FHOD3: variants seen among roughly 807,000 people sequenced by gnomAD.
FHOD3 encodes FH1/FH2 domain-containing protein 3.
A neutral mutation model predicts 173.0 loss-of-function variants in FHOD3; 90 were observed. That is an observed-to-expected ratio of 0.52 (90% confidence interval 0.44 to 0.62). FHOD3 has a LOEUF of 0.62. Ranked by LOEUF, FHOD3 falls within the 20% of genes least tolerant of loss-of-function variation. FHOD3 has a pLI of 0.00. For synonymous variants in FHOD3, 828 were observed against 823.0 expected (o/e 1.01, Z -0.10); for missense variants, 1,945 against 2,034.7 (o/e 0.96, Z 0.85).
chr18:36,484,928 C>A (rs1019602178), intron 3 of FHOD3, among the ~76,000 whole-genome samples: 3 of 152,170 alleles, frequency 2.0e-5, no homozygotes, highest in African/African-American at 7.2e-5. Flanking sequence ...CTGTGCCCCC[C>A]ACCCTCAGGG....
chr18:36,486,974 C>A (rs1458171682), intron 3 of FHOD3, among the ~76,000 whole-genome samples: 1 of 152,158 alleles, frequency 6.6e-6, no homozygotes, highest in Non-Finnish European at 1.5e-5. Context: ...AGGCTGCATG[C>A]GTCAGTAGTC....
chr18:36,642,069 T>C (rs28887906), intron 10 of FHOD3, among the ~76,000 whole-genome samples: 10,764 of 152,084 alleles, frequency 0.071, 656 homozygotes, highest in East Asian at 0.24. Context: ...TTCTCACTTA[T>C]ACGTGGGAGC....
chr18:36,554,864 T>C (rs570644266), intron 5 of FHOD3, among the ~76,000 whole-genome samples: 10 of 152,354 alleles, frequency 6.6e-5, no homozygotes, highest in Non-Finnish European at 2.9e-5. Flanking sequence ...AAATATTTTG[T>C]GTAAAGTTCA....
At chr18:36,726,786 T>C (rs2041097027) in intron 19 of FHOD3, among the ~76,000 whole-genome samples, 1 of 152,170 alleles carries the variant, frequency 6.6e-6, no homozygotes, top group African/African-American at 2.4e-5. Flanking sequence ...GTGATTCTCC[T>C]GCCTCAGCCT....
chr18:36,562,513 G>T (rs2058123465), intron 5 of FHOD3, among the ~76,000 whole-genome samples: 1 of 152,212 alleles, frequency 6.6e-6, no homozygotes, highest in Admixed American at 6.5e-5. Flanking sequence ...CAGCTGTGCA[G>T]CTTAGCAAAT....
At position 36,681,450 on chromosome 18, in the gene FHOD3, G is replaced by A. The variant is rs775047283; in HGVS notation, c.1850G>A (p.Gly617Asp). 14 of 1,613,692 alleles carry A rather than the reference G, an allele frequency of 8.7e-6. No homozygotes were observed. The East Asian group carries it at 3.1e-4, about 36-fold the overall frequency. ...EARLERSSPSGLLTSSFRQHQ... is the reference protein window; with the variant it reads ...EARLERSSPSDLLTSSFRQHQ... ...TGTATCTCCAGGTCATCACCGAGTG[G>A]TCTTCTCACATCATCCTTCAGGCAG... Residue 617 changes from glycine (G) to aspartate (D), a missense_variant, in exon 15 of 29, where the codon GGT (glycine) becomes GAT (aspartate). Gly to Asp is a moderately conservative substitution (Grantham distance 94). Around this residue, in one of 5 missense-constraint regions of FHOD3, gnomAD observed 1,099 missense variants for 1,051.2 expected, o/e 1.05. Coordinates refer to ENST00000590592, the MANE Select transcript of FHOD3 (RefSeq NM_001281740.3).
At chr18:36,769,004 T>C (rs1270250476) in intron 27 of FHOD3, among the ~76,000 whole-genome samples, 1 of 152,064 alleles carries the variant, frequency 6.6e-6, no homozygotes, top group East Asian at 1.9e-4. Flanking sequence ...TACACAGCTG[T>C]GTTACAGGGT....
At chr18:36,687,307 C>A in intron 16 of FHOD3, 129 bp downstream of exon 16, 1 of 691,482 alleles carries the variant, frequency 1.4e-6, no homozygotes, top group Non-Finnish European at 2.5e-6. Context: ...TGGCATTTTG[C>A]AGAACAGAGT....
intron 17 of FHOD3, among the ~76,000 whole-genome samples, chr18:36,697,947 C>T (rs1186047075): frequency 6.6e-6 from 1 of 152,138 alleles, no homozygotes; most frequent in Non-Finnish European, 1.5e-5. Flanking sequence ...TAGGGACTCT[C>T]TGAGGTTATC....
intron 14 of FHOD3, among the ~76,000 whole-genome samples, chr18:36,664,777 T>TGAGAGAGAGAGAGAGAGAGA (rs373836211): frequency 2.2e-4 from 29 of 129,556 alleles, no homozygotes; most frequent in Non-Finnish European, 3.6e-4. Context: ...TGTGTGTATG[T>TGAGAGAGAGAGAGAGAGAGA]GAGAGAGAGA....
intron 18 of FHOD3, 66 bp from the exon 19 acceptor site, chr18:36,717,766 T>C: frequency 6.6e-7 from 1 of 1,510,602 alleles, no homozygotes; most frequent in South Asian, 1.4e-5. Context: ...CTTATTCTCA[T>C]CGATTCTCTC....
At chr18:36,654,296 A>G (rs541427560) in intron 13 of FHOD3, among the ~76,000 whole-genome samples, 2 of 152,302 alleles carry the variant, frequency 1.3e-5, no homozygotes, top group Non-Finnish European at 2.9e-5. Context: ...CTTTCACCTA[A>G]TAAATAGGAG....
At chr18:36,567,082 T>C (rs1481524449) in intron 5 of FHOD3, among the ~76,000 whole-genome samples, 1 of 152,176 alleles carries the variant, frequency 6.6e-6, no homozygotes, top group African/African-American at 2.4e-5. Flanking sequence ...TGTGTCCTGT[T>C]AACAGGGTCC....
intron 8 of FHOD3, among the ~76,000 whole-genome samples, chr18:36,608,293 T>G (rs996457372): frequency 6.6e-6 from 1 of 152,274 alleles, no homozygotes; most frequent in African/African-American, 2.4e-5. Flanking sequence ...CCTTCTTTTC[T>G]GTGCTATCCC....
intron 17 of FHOD3, among the ~76,000 whole-genome samples, chr18:36,703,662 T>G (rs892748686): frequency 6.6e-6 from 1 of 151,698 alleles, no homozygotes; most frequent in Non-Finnish European, 1.5e-5. Flanking sequence ...AGATGAGGAG[T>G]TGGTGTTGGG....
At chr18:36,521,729 T>C (rs990303238) in intron 5 of FHOD3, among the ~76,000 whole-genome samples, 3 of 152,182 alleles carry the variant, frequency 2.0e-5, no homozygotes, top group African/African-American at 7.2e-5. Flanking sequence ...TGCACCATGA[T>C]CTGTTCTCCT....
chr18:36,614,167 T>C (rs779566673), intron 9 of FHOD3, among the ~76,000 whole-genome samples: 1 of 152,212 alleles, frequency 6.6e-6, no homozygotes, highest in Non-Finnish European at 1.5e-5. Context: ...CTCTACATTC[T>C]TCCCTGTCCC....
At chr18:36,580,961 A>G (rs992206450) in intron 6 of FHOD3, among the ~76,000 whole-genome samples, 2 of 152,202 alleles carry the variant, frequency 1.3e-5, no homozygotes, top group Non-Finnish European at 2.9e-5. Context: ...TGGAGCAGAA[A>G]CATCTTGTCA....
intron 17 of FHOD3, among the ~76,000 whole-genome samples, chr18:36,699,244 T>C (rs900582575): frequency 1.2e-4 from 18 of 152,246 alleles, no homozygotes; most frequent in Non-Finnish European, 2.2e-4. Flanking sequence ...GTCTGTTTAG[T>C]GTAAACAAAA....
Sources: gnomAD v4.1 joint callset for allele counts (sites outside exome capture counted in the v4.1 genomes callset) on GRCh38, gnomAD v4.1.1 for gene constraint, gnomAD v4.1.1 regional missense constraint, MANE v1.5 for transcripts, NCBI Gene and HGNC (gene_info 2026-07-23, HGNC 2026-07-21) for gene names.